The following RNF13 variants were observed in gnomAD, a reference collection of about 807,000 sequenced individuals.
The protein encoded by RNF13 is ring finger protein 13, also known as E3 ubiquitin-protein ligase RNF13.
A neutral mutation model predicts 37.7 loss-of-function variants in RNF13; 19 were observed. The ratio of observed to expected loss-of-function variants is 0.50; its 90% CI spans 0.35 to 0.74. The LOEUF is 0.74. Among genes scored for constraint, RNF13 ranks in the 30% least tolerant of loss-of-function variants. RNF13 has a pLI of 0.01. For missense variants in RNF13, 375 were observed against 453.0 expected, an observed-to-expected ratio of 0.83 and a Z score of 1.56; for synonymous variants, 144 against 157.8, an observed-to-expected ratio of 0.91 and a Z score of 0.65.
intron 7 of RNF13, among the ~76,000 whole-genome samples, chr3:149,912,872 T>G (rs1427068819): frequency 1.3e-5 from 2 of 152,120 alleles, no homozygotes; most frequent in African/African-American, 2.4e-5. Context: ...ACTCTCATTC[T>G]CTTAGAGGTG....
intron 8 of RNF13, among the ~76,000 whole-genome samples, chr3:149,931,028 C>T (rs765024583): frequency 2.0e-5 from 3 of 151,628 alleles, no homozygotes; most frequent in Non-Finnish European, 2.9e-5. Flanking sequence ...TGTTGATTTT[C>T]TGGTGTTTTT....
At chr3:149,841,934 C>A (rs977217673) in intron 1 of RNF13, among the ~76,000 whole-genome samples, 2 of 152,124 alleles carry the variant, frequency 1.3e-5, no homozygotes, top group Non-Finnish European at 2.9e-5. Context: ...TCGGCCTGGG[C>A]AGATTCTTAA....
intron 1 of RNF13, among the ~76,000 whole-genome samples, chr3:149,831,503 G>C (rs1330548480): frequency 6.6e-6 from 1 of 152,158 alleles, no homozygotes; most frequent in African/African-American, 2.4e-5. Flanking sequence ...CCTTGTTTCT[G>C]CCAGTTTCTC....
chr3:149,906,298 T>C (rs1220341787), intron 6 of RNF13, among the ~76,000 whole-genome samples: 1 of 152,210 alleles, frequency 6.6e-6, no homozygotes, highest in African/African-American at 2.4e-5. Context: ...TTTTTCACTA[T>C]TTGTGTACAA....
At chr3:149,877,343 T>A (rs1164583332) in intron 4 of RNF13, among the ~76,000 whole-genome samples, 1 of 152,188 alleles carries the variant, frequency 6.6e-6, no homozygotes, top group Non-Finnish European at 1.5e-5. Context: ...GCATTATTTC[T>A]AAGCCTAGAT....
At chr3:149,885,716 C>T (rs972054473) in intron 4 of RNF13, among the ~76,000 whole-genome samples, 1 of 152,008 alleles carries the variant, frequency 6.6e-6, no homozygotes, top group Non-Finnish European at 1.5e-5. Flanking sequence ...TCCTTTGCTG[C>T]GTGGAAGGCT....
intron 4 of RNF13, among the ~76,000 whole-genome samples, chr3:149,891,345 T>C (rs1382724637): frequency 6.6e-6 from 1 of 152,234 alleles, no homozygotes; most frequent in Admixed American, 6.5e-5. Context: ...ATCATCTCTA[T>C]TATAAGGCAT....
rs116527262 is a variant in RNF13, at chr3:149,821,916, T to G, written c.-17+8563T>G. Among the ~76,000 whole-genome samples the G allele has an allele frequency of 9.1e-3, 1,390 of 152,292 alleles. 16 individuals carry two copies. The highest frequency in any genetic ancestry group is 0.032 in the African/African-American group (1,317 of 41,572). ...GTTGAAGACACTGTTCTTTTGCCAT[T>G]GAATGGTCTTTGGCATCTTTAAAAT... On this transcript the variant is annotated intron_variant, in intron 1 of 9. Transcript: ENST00000392894.
chr3:149,857,845 C>T (rs750269835), intron 3 of RNF13, among the ~76,000 whole-genome samples: 5 of 152,024 alleles, frequency 3.3e-5, no homozygotes, highest in Admixed American at 6.6e-5. Flanking sequence ...TGAGTAGTTA[C>T]TATGGTTTGG....
chr3:149,935,333 C>T (rs1418469641), intron 8 of RNF13, among the ~76,000 whole-genome samples: 1 of 152,046 alleles, frequency 6.6e-6, no homozygotes, highest in African/African-American at 2.4e-5. Flanking sequence ...CATTTAATCA[C>T]TCTATGTCTT....
At chr3:149,847,648 C>G (rs997452120) in intron 2 of RNF13, among the ~76,000 whole-genome samples, 2 of 152,024 alleles carry the variant, frequency 1.3e-5, no homozygotes, top group Non-Finnish European at 2.9e-5. Flanking sequence ...GGAAATAGAG[C>G]CTTTAAAGAC....
At chr3:149,862,232 G>A (rs931682277) in intron 3 of RNF13, among the ~76,000 whole-genome samples, 1 of 151,898 alleles carries the variant, frequency 6.6e-6, no homozygotes, top group Admixed American at 6.6e-5. Context: ...CATTTAGATT[G>A]CTTTCACTTT....
At chr3:149,921,875 ACT>A (rs1718160964) in intron 8 of RNF13, among the ~76,000 whole-genome samples, 1 of 152,178 alleles carries the variant, frequency 6.6e-6, no homozygotes, top group South Asian at 2.1e-4. Context: ...GAATCGCCAC[ACT>A]GTCTTCCACA....
intron 5 of RNF13, among the ~76,000 whole-genome samples, chr3:149,896,483 A>AT (rs1329855973): frequency 1.1e-3 from 157 of 143,126 alleles, no homozygotes; most frequent in Admixed American, 1.5e-3. Flanking sequence ...CTTCTTCTTT[A>AT]TTTTTTTTTT....
intron 8 of RNF13, chr3:149,939,834 G>T (rs1359608468): frequency 3.9e-6 from 2 of 518,046 alleles, no homozygotes; most frequent in South Asian, 1.5e-5. Flanking sequence ...AGAGAAGGTG[G>T]ACAGAGATAA....
intron 3 of RNF13, among the ~76,000 whole-genome samples, chr3:149,869,489 C>T (rs1466142282): frequency 6.6e-6 from 1 of 151,150 alleles, no homozygotes; most frequent in African/African-American, 2.4e-5. Context: ...GCCTGTAGTC[C>T]CAGCTACTTG....
chr3:149,932,119 A>G (rs1719216717), intron 8 of RNF13, among the ~76,000 whole-genome samples: 1 of 152,100 alleles, frequency 6.6e-6, no homozygotes, highest in African/African-American at 2.4e-5. Flanking sequence ...TATCTTGGCT[A>G]TTGTGAATAG....
intron 1 of RNF13, among the ~76,000 whole-genome samples, chr3:149,837,820 T>C (rs549535263): frequency 2.7e-4 from 41 of 151,902 alleles, no homozygotes; most frequent in African/African-American, 9.7e-4. Context: ...CAATCATGCC[T>C]TCCAAAAGTC....
intron 4 of RNF13, among the ~76,000 whole-genome samples, chr3:149,892,893 A>T (rs1282787181): frequency 6.6e-6 from 1 of 152,172 alleles, no homozygotes; most frequent in East Asian, 1.9e-4. Context: ...AAATATAAAT[A>T]GATTAACGTA....
Sources: gnomAD v4.1 joint callset for allele counts (sites outside exome capture counted in the v4.1 genomes callset) on GRCh38, gnomAD v4.1.1 for gene constraint, MANE v1.5 for transcripts, NCBI Gene and HGNC (gene_info 2026-07-23, HGNC 2026-07-21) for gene names.